The following ZBTB32 variants were observed in gnomAD, a reference collection of about 807,000 sequenced individuals.
ZBTB32 encodes zinc finger and BTB domain-containing protein 32.
Under a neutral mutation model 45.3 loss-of-function variants are expected in ZBTB32, and 28 were observed. That is an observed-to-expected ratio of 0.62 (90% CI 0.46 to 0.85). The LOEUF is 0.85. Among genes scored for constraint, ZBTB32 ranks in the 40% least tolerant of loss-of-function variants. ZBTB32 has a pLI of 0.00. For synonymous variants in ZBTB32, 283 were observed against 255.7 expected (o/e 1.11, Z -1.02); for missense variants, 587 against 624.4 (o/e 0.94, Z 0.64).
chr19:35,705,910 C>CA (rs755959258), intron 1 of ZBTB32, among the ~76,000 whole-genome samples: 8,610 of 103,120 alleles, frequency 0.083, 496 homozygotes, highest in East Asian at 0.32. Context: ...TGCTCTGTCT[C>CA]AAAAAAAAAA....
At position 35,716,698 on chromosome 19, in the gene ZBTB32, G is replaced by A. The variant is rs778222246; in HGVS notation, c.1410G>A (p.Ser470=). 11 of 1,613,790 alleles carry A rather than the reference G, an allele frequency of 6.8e-6. No individual in the cohort carries two copies. The South Asian group carries it at 1.1e-4, about 16-fold the overall frequency. The change falls in exon 7 of 7, where the codon TCG becomes TCA. Residue 470 remains serine (S), a synonymous_variant. Coordinates refer to ENST00000392197, the MANE Select transcript of ZBTB32 (RefSeq NM_014383.3). ...GCTCCACCTTCCTCTACTCCTCCTC[G>A]AGGCCGTCTCGGCCCTCGACCTCTC... ...TIRSTFLYSS[S]RPSRPSTSPC...
At chr19:35,712,839 G>C (rs1387610978) in intron 1 of ZBTB32, 78 bp from the exon 2 acceptor site, 1 of 152,200 alleles carries the variant, frequency 6.6e-6, no homozygotes, top group Non-Finnish European at 1.5e-5. Context: ...CCAAGTCAGG[G>C]AGAGGGAGGA....
chr19:35,716,814 G>C lies in ZBTB32; in HGVS notation c.*62G>C. 1 of 1,542,730 alleles carries C rather than the reference G, an allele frequency of 6.5e-7. No individual in the cohort carries two copies. Among genetic ancestry groups the C allele is most frequent in the Non-Finnish European group, 8.8e-7 (1 of 1,140,698 alleles). The stretch of plus-strand genomic sequence containing the variant: ...AAAGAACGAAAAGCGGGCCGGCTCG[G>C]CTTCTGACCTGGCACCGCTGCTACG... On this transcript the variant is annotated 3_prime_UTR_variant, in exon 7 of 7. Transcript: ENST00000392197.
intron 1 of ZBTB32, among the ~76,000 whole-genome samples, chr19:35,705,785 C>T (rs1968523359): frequency 6.6e-6 from 1 of 151,718 alleles, no homozygotes; most frequent in African/African-American, 2.4e-5. Context: ...GTGGCAGGTG[C>T]CTGTAATCCC....
At position 35,716,843 on chromosome 19, in the gene ZBTB32, G is replaced by C; in HGVS notation, c.*91G>C. The C allele has an allele frequency of 6.7e-7, 1 of 1,483,570 alleles. No homozygotes were observed. The highest frequency in any genetic ancestry group is 9.1e-7 in the Non-Finnish European group (1 of 1,104,708). The allele number at this position is 1,483,570 out of a possible 1,614,324, so 91.9% of individuals were successfully genotyped here. ...CTGACCTGGCACCGCTGCTACGGCGGCCTAGCAAATTCCGCCCCAGAAGCG... is the reference window on the plus strand; with the variant it reads ...CTGACCTGGCACCGCTGCTACGGCGCCCTAGCAAATTCCGCCCCAGAAGCG... On this transcript the variant is annotated 3_prime_UTR_variant, in exon 7 of 7. Transcript: ENST00000392197.
intron 2 of ZBTB32, chr19:35,713,533 C>T (rs1311203041): frequency 6.6e-6 from 1 of 152,472 alleles, no homozygotes; most frequent in Non-Finnish European, 1.5e-5. Flanking sequence ...ACCTAGAGCC[C>T]TCTCCCTGAG....
At chr19:35,709,859 A>G (rs1321215069) in intron 1 of ZBTB32, among the ~76,000 whole-genome samples, 5 of 151,228 alleles carry the variant, frequency 3.3e-5, no homozygotes, top group Non-Finnish European at 5.9e-5. Context: ...AGCCTGGGCA[A>G]TAGAGCAAGA....
In ZBTB32 at chr19:35,716,866, G is replaced by A; in HGVS notation, c.*114G>A. On this transcript the variant is annotated 3_prime_UTR_variant, in exon 7 of 7. Coordinates refer to ENST00000392197, the MANE Select transcript of ZBTB32 (RefSeq NM_014383.3). ...CGGCCTAGCAAATTCCGCCCCAGAA[G>A]CGCCCCAGGAAGGGCGCCGAGTGCC... is the stretch of plus-strand genomic sequence containing the variant. 6 of 1,338,912 alleles carry A rather than the reference G, an allele frequency of 4.5e-6. No homozygotes were observed. The highest frequency in any genetic ancestry group is 3.9e-4 in the Middle Eastern group (2 of 5,084). 82.9% of individuals were successfully genotyped at this position (1,338,912 alleles called of 1,614,324 possible).
chr19:35,715,666 C>A, intron 3 of ZBTB32, 91 bp from the exon 4 acceptor site: 1 of 1,499,190 alleles, frequency 6.7e-7, no homozygotes, highest in South Asian at 1.3e-5. Flanking sequence ...AAGCCCAGCC[C>A]CCGGGGGAGG....
At position 35,716,876 on chromosome 19, in the gene ZBTB32, A is replaced by G. The variant is rs1292140284; in HGVS notation, c.*124A>G. 5.9e-5 allele frequency: 71 copies of G among 1,205,154 alleles called. 1 individual carries two copies. The highest frequency in any genetic ancestry group is 2.2e-4 in the Middle Eastern group (1 of 4,614). 74.7% of individuals were successfully genotyped at this position (1,205,154 alleles called of 1,614,324 possible). A position where few individuals can be genotyped will look rare whatever the true frequency, so the allele number is the denominator to read the frequency against. On this transcript the variant is annotated 3_prime_UTR_variant, in exon 7 of 7. Coordinates refer to ENST00000392197, the MANE Select transcript of ZBTB32 (RefSeq NM_014383.3). Reference sequence around the variant, plus strand: ...AATTCCGCCCCAGAAGCGCCCCAGGAAGGGCGCCGAGTGCCCTCTCCTGGA... The same window carrying G: ...AATTCCGCCCCAGAAGCGCCCCAGGGAGGGCGCCGAGTGCCCTCTCCTGGA...
chr19:35,716,548 G>A lies in ZBTB32; in HGVS notation c.1260G>A (p.Leu420=). The change falls in exon 7 of 7, where the codon CTG becomes CTA. Residue 420 remains leucine (L), a synonymous_variant. Transcript: ENST00000392197. The part of the protein sequence containing the change: ...SRDFSAMTKH[L]RTHGAAPYRC... The stretch of plus-strand genomic sequence containing the variant: ...ACTTCTCGGCCATGACCAAGCACCT[G>A]CGGACACACGGGGCCGCTCCGTACC... 6.2e-7 allele frequency: 1 copy of A among 1,612,946 alleles called. No individual in the cohort carries two copies. The highest frequency in any genetic ancestry group is 1.3e-5 in the African/African-American group (1 of 75,052).
In ZBTB32 at chr19:35,715,023, A is replaced by G. The variant is rs779426566; in HGVS notation, c.397A>G (p.Lys133Glu). 6.2e-7 allele frequency: 1 copy of G among 1,612,204 alleles called. No individual in the cohort carries two copies. The highest frequency in any genetic ancestry group is 1.7e-5 in the Admixed American group (1 of 59,422). ...GAAGAAACATCAGGAGGAGCCAGAG[A>G]AACCCTCAAGGAATCCTGAGAGAGA... ...GLKKHQEEPE[K>E]PSRNPERELG... Residue 133 changes from lysine to glutamate, a missense_variant, in exon 3 of 7, where the codon AAA (lysine) becomes GAA (glutamate). Lys to Glu is a moderately conservative substitution (Grantham distance 56). Transcript: ENST00000392197.
Position 35,715,056 on chromosome 19 carries a change from G to C in ZBTB32, c.430G>C (p.Asp144His). 6.2e-7 allele frequency: 1 copy of C among 1,613,826 alleles called. No individual in the cohort carries two copies. Among genetic ancestry groups the C allele is most frequent in the Non-Finnish European group, 8.5e-7 (1 of 1,179,978 alleles). ...PSRNPERELGDPGEKQKPEQV... is the reference protein window; with the variant it reads ...PSRNPERELGHPGEKQKPEQV... Reference sequence around the variant, plus strand: ...AAGGAATCCTGAGAGAGAACTGGGGGACCCTGGAGAGAAGCAGAAACCAGA... The same window carrying C: ...AAGGAATCCTGAGAGAGAACTGGGGCACCCTGGAGAGAAGCAGAAACCAGA... The change falls in exon 3 of 7, where the codon GAC (aspartate) becomes CAC (histidine). Residue 144 changes from aspartate (D) to histidine (H), a missense_variant. By Grantham distance (81) the Asp-to-His change is moderately conservative. Coordinates refer to ENST00000392197, the MANE Select transcript of ZBTB32 (RefSeq NM_014383.3).
intron 1 of ZBTB32, among the ~76,000 whole-genome samples, chr19:35,712,272 G>C (rs1232336420): frequency 6.6e-6 from 1 of 152,086 alleles, no homozygotes. Context: ...GACCAGCCTG[G>C]GTAACATAGT....
intron 1 of ZBTB32, among the ~76,000 whole-genome samples, chr19:35,712,638 T>C (rs1302834750): frequency 1.3e-5 from 2 of 152,122 alleles, no homozygotes; most frequent in Non-Finnish European, 2.9e-5. Context: ...GGGCAGGAAG[T>C]GAAAGAAACC....
Position 35,714,719 on chromosome 19 carries a change from T to C in ZBTB32, c.93T>C (p.Thr31=), listed in dbSNP as rs767810372. ...GGCTCCGGCCAGCACTCTGTGATAC[T>C]CTGATCACCGTAGGGAGCCAGGAGT... ...AARLRPALCD[T]LITVGSQEFP... The change falls in exon 3 of 7, where the codon ACT becomes ACC. Residue 31 remains threonine, a synonymous_variant. Coordinates refer to ENST00000392197, the MANE Select transcript of ZBTB32 (RefSeq NM_014383.3). 1 of 1,613,848 alleles carries C rather than the reference T, an allele frequency of 6.2e-7. No individual in the cohort carries two copies. Among genetic ancestry groups the C allele is most frequent in the Non-Finnish European group, 8.5e-7 (1 of 1,180,002 alleles).
intron 4 of ZBTB32, 22 bp downstream of exon 4, chr19:35,715,852 A>C (rs771019374): frequency 6.2e-7 from 1 of 1,613,052 alleles, no homozygotes; most frequent in South Asian, 1.1e-5. Context: ...GCTGTCCTGC[A>C]TACACCTGTA....
chr19:35,709,521 C>T (rs1438493153), intron 1 of ZBTB32, among the ~76,000 whole-genome samples: 1 of 152,064 alleles, frequency 6.6e-6, no homozygotes, highest in Non-Finnish European at 1.5e-5. Context: ...CAGGGTGTGC[C>T]CCGAGCCCCT....
Position 35,714,728 on chromosome 19 carries a change from C to G in ZBTB32, c.102C>G (p.Thr34=). ...CAGCACTCTGTGATACTCTGATCAC[C>G]GTAGGGAGCCAGGAGTTCCCCGCCC... ...LRPALCDTLI[T]VGSQEFPAHS... is the part of the protein sequence containing the mutation. The change falls in exon 3 of 7, where the codon ACC becomes ACG. Residue 34 remains threonine (T), a synonymous_variant. Coordinates refer to ENST00000392197, the MANE Select transcript of ZBTB32 (RefSeq NM_014383.3). 6.2e-7 allele frequency: 1 copy of G among 1,614,060 alleles called. No individual in the cohort carries two copies. Among genetic ancestry groups the G allele is most frequent in the South Asian group, 1.1e-5 (1 of 91,082 alleles).
Sources: allele counts gnomAD v4.1 joint callset (sites outside exome capture counted in the v4.1 genomes callset), GRCh38; gene constraint gnomAD v4.1.1; transcripts MANE v1.5; gene names NCBI Gene and HGNC (gene_info 2026-07-23, HGNC 2026-07-21).